The following NRP2 variants were observed in gnomAD, a reference collection of about 807,000 sequenced individuals.
The protein encoded by NRP2 is neuropilin-2.
NRP2 carries 52 observed loss-of-function variants against 110.4 expected under a neutral mutation model. The ratio of observed to expected loss-of-function variants is 0.47; its 90% CI spans 0.38 to 0.59. The LOEUF is 0.59. NRP2 is among the 20% of genes least tolerant of loss of function. NRP2 has a pLI of 0.00. For missense variants in NRP2, 1,049 were observed against 1,203.0 expected (o/e 0.87, Z 1.89); for synonymous variants, 508 against 468.9 (o/e 1.08, Z -1.08).
At chr2:205,787,888 C>T (rs1035890368) in intron 15 of NRP2, among the ~76,000 whole-genome samples, 1 of 152,034 alleles carries the variant, frequency 6.6e-6, no homozygotes, top group African/African-American at 2.4e-5. Context: ...CCCTGAGCAG[C>T]ATGTGTGGTC....
At chr2:205,764,061 A>C (rs1214497705) in intron 13 of NRP2, 125 bp downstream of exon 13, 4 of 1,214,266 alleles carry the variant, frequency 3.3e-6, no homozygotes, top group African/African-American at 1.5e-5. Context: ...TTGCCATGGC[A>C]ACTGAATGAC....
chr2:205,734,549 G>A (rs1024579588), intron 7 of NRP2, among the ~76,000 whole-genome samples: 1 of 152,134 alleles, frequency 6.6e-6, no homozygotes, highest in Non-Finnish European at 1.5e-5. Context: ...CAAGGGAAGG[G>A]GGTGGGAGAG....
intron 9 of NRP2, 94 bp from the exon 10 acceptor site, chr2:205,745,652 G>A (rs940762723): frequency 1.3e-5 from 19 of 1,461,046 alleles, no homozygotes; most frequent in African/African-American, 4.2e-5. Context: ...CTAGCAGGAC[G>A]TGCGGGGCAG....
intron 3 of NRP2, 102 bp downstream of exon 3, chr2:205,716,476 T>C: frequency 8.1e-7 from 1 of 1,238,360 alleles, no homozygotes; most frequent in South Asian, 1.2e-5. Flanking sequence ...GACAGTGTCA[T>C]CCAGCTTGAG....
rs145202383 is a variant in NRP2, at chr2:205,798,024, T to C, written c.*2966T>C. On this transcript the variant is annotated 3_prime_UTR_variant, in exon 17 of 17. Coordinates refer to ENST00000357785, the MANE Select transcript of NRP2 (RefSeq NM_003872.3). ...CAGATCACGGGAACTTGAGAGCTTT[T>C]ACTGTGATTCTTCAATGTAAAAAAT... 1.3e-5 allele frequency: 2 copies of C among 152,786 alleles called. No homozygotes were observed. Among genetic ancestry groups the C allele is most frequent in the East Asian group, 3.9e-4 (2 of 5,194 alleles). 9.5% of individuals were successfully genotyped at this position (152,786 alleles called of 1,614,324 possible). A position where few individuals can be genotyped will look rare whatever the true frequency, so the allele number is the denominator to read the frequency against.
intron 1 of NRP2, among the ~76,000 whole-genome samples, chr2:205,690,631 A>G (rs1466175630): frequency 7.4e-6 from 1 of 135,638 alleles, no homozygotes; most frequent in East Asian, 2.1e-4. Context: ...CACACACACA[A>G]TAGCTGGGTA....
intron 11 of NRP2, among the ~76,000 whole-genome samples, chr2:205,751,699 GGGTGAGTAATTTGTT>G: frequency 6.6e-6 from 1 of 152,142 alleles, no homozygotes; most frequent in East Asian, 1.9e-4. Flanking sequence ...CTCACCCCTA[GGGTGAGTAATTTGTT>G]TCTACCAGTC....
At chr2:205,746,656 C>T (rs549867000) in intron 10 of NRP2, among the ~76,000 whole-genome samples, 1 of 152,332 alleles carries the variant, frequency 6.6e-6, no homozygotes, top group South Asian at 2.1e-4. Context: ...AGGGACTGAG[C>T]CTGATGCCAG....
intron 1 of NRP2, 57 bp downstream of exon 1, chr2:205,683,420 C>G (rs1306012891): frequency 1.2e-5 from 15 of 1,302,844 alleles, no homozygotes; most frequent in Middle Eastern, 1.8e-4. Flanking sequence ...TTAAAAGTGA[C>G]CGCTAAAGCA....
At chr2:205,773,587 C>T (rs555096356) in intron 15 of NRP2, among the ~76,000 whole-genome samples, 3 of 152,276 alleles carry the variant, frequency 2.0e-5, no homozygotes, top group Non-Finnish European at 4.4e-5. Flanking sequence ...GAGACTATGT[C>T]TGTGTCTCTG....
In NRP2 at chr2:205,786,231, G is replaced by A. The variant is rs191926251; in HGVS notation, c.2426-6004G>A. Among the ~76,000 whole-genome samples, 152 of 152,266 alleles carry A rather than the reference G, an allele frequency of 1.0e-3. 1 individual carries two copies. Among genetic ancestry groups the A allele is most frequent in the Middle Eastern group, 6.8e-3 (2 of 294 alleles). On this transcript the variant is annotated intron_variant, in intron 15 of 16. Transcript: ENST00000357785. ...ACTAAATATTAAACTGAATTAAACC[G>A]AATTTTGAAGTGCCAAGAAGAATCT...
intron 16 of NRP2, among the ~76,000 whole-genome samples, chr2:205,794,034 C>A (rs1278869166): frequency 6.6e-6 from 1 of 152,164 alleles, no homozygotes; most frequent in Non-Finnish European, 1.5e-5. Context: ...AACACAAGGC[C>A]ATCCTAGGTG....
chr2:205,725,125 A>G lies in NRP2; in HGVS notation c.821-788A>G, dbSNP rs899157269. 6.6e-6 allele frequency among the ~76,000 whole-genome samples: 1 copy of G among 152,188 alleles called. No homozygotes were observed. Among genetic ancestry groups the G allele is most frequent in the South Asian group, 2.1e-4 (1 of 4,834 alleles). On this transcript the variant is annotated intron_variant, in intron 5 of 16. Transcript: ENST00000357785. The surrounding 1 kb of genome is among the most constrained non-coding windows in gnomAD (Gnocchi z 4.1). ...TTTTGCATTTGTTTTTTCATCAAAG[A>G]GCTTCTGAAGATTGAGTGACAAAGA... is the stretch of plus-strand genomic sequence containing the variant.
In NRP2 at chr2:205,752,848, G is replaced by A. The variant is rs1450819776; in HGVS notation, c.1917G>A (p.Gln639=). 3 of 1,614,068 alleles carry A rather than the reference G, an allele frequency of 1.9e-6. No individual in the cohort carries two copies. The highest frequency in any genetic ancestry group is 2.5e-6 in the Non-Finnish European group (3 of 1,180,044). The change falls in exon 12 of 17, where the codon CAG becomes CAA. Residue 639 remains glutamine, a synonymous_variant. Coordinates refer to ENST00000357785, the MANE Select transcript of NRP2 (RefSeq NM_003872.3). ...TTCCCCTTTTAGACAAAGATTTGCA[G>A]CTCCCTTCGGGATTCAATTGCAACT... is the stretch of plus-strand genomic sequence containing the variant. ...NCSFEDDKDL[Q]LPSGFNCNFD...
Position 205,714,729 on chromosome 2 carries a change from G to A in NRP2, c.252-1464G>A, listed in dbSNP as rs573738692. Among the ~76,000 whole-genome samples the A allele has an allele frequency of 4.6e-5, 7 of 152,282 alleles. No individual in the cohort carries two copies. The South Asian group carries it at 8.3e-4, about 18-fold the overall frequency. On this transcript the variant is annotated intron_variant, in intron 2 of 16. Transcript: ENST00000357785. ...TCTCCAGACTCTAAGGAGCTTCAGCGGTTCTTTTTGGACTGTGGGAGTCCA... is the reference window on the plus strand; with the variant it reads ...TCTCCAGACTCTAAGGAGCTTCAGCAGTTCTTTTTGGACTGTGGGAGTCCA...
intron 15 of NRP2, chr2:205,776,185 A>T: frequency 6.8e-7 from 1 of 1,467,834 alleles, no homozygotes; most frequent in Non-Finnish European, 9.5e-7. Context: ...TTTTTAAATT[A>T]GTCTTTTGAT....
At chr2:205,743,117 CT>C (rs1245543385) in intron 8 of NRP2, 85 bp from the exon 9 acceptor site, 32 of 1,598,840 alleles carry the variant, frequency 2.0e-5, no homozygotes, top group Non-Finnish European at 2.6e-5. Flanking sequence ...CAGTTGGGCT[CT>C]TTTGCAGCTC....
chr2:205,742,297 G>A (rs1278921315), intron 8 of NRP2, among the ~76,000 whole-genome samples: 1 of 152,178 alleles, frequency 6.6e-6, no homozygotes, highest in Non-Finnish European at 1.5e-5. Flanking sequence ...GATGTGCCAG[G>A]CACACACTGG....
chr2:205,699,680 G>A (rs1054394049), intron 2 of NRP2, among the ~76,000 whole-genome samples: 11 of 152,308 alleles, frequency 7.2e-5, no homozygotes, highest in Middle Eastern at 3.4e-3. Context: ...CTGACAAGGG[G>A]AAGAAGAAGG....
Sources: allele counts gnomAD v4.1 joint callset (sites outside exome capture counted in the v4.1 genomes callset), GRCh38; gene constraint gnomAD v4.1.1; non-coding constraint Gnocchi (gnomAD v3.1); transcripts MANE v1.5; gene names NCBI Gene and HGNC (gene_info 2026-07-23, HGNC 2026-07-21).